Variants in MCPH1 observed in about 807,000 individuals in gnomAD.
MCPH1 encodes the protein microcephalin 1, also known as microcephalin.
MCPH1 carries 104 observed loss-of-function variants against 84.5 expected under a neutral mutation model. The observed-to-expected ratio is 1.23, with a 90% CI of 1.05 to 1.45. The LOEUF (loss-of-function observed/expected upper bound fraction) is 1.45. Among genes scored for constraint, MCPH1 ranks in the 40% most tolerant of loss-of-function variants. The pLI is 0.00. For missense variants in MCPH1, 1,498 were observed against 1,005.7 expected (o/e 1.49, Z -6.62); for synonymous variants, 514 against 366.8 (o/e 1.40, Z -4.58).
In MCPH1 at chr8:6,414,893, T is replaced by G; in HGVS notation, c.233+10T>G. The G allele has an allele frequency of 6.2e-7, 1 of 1,612,774 alleles. No individual in the cohort carries two copies. Among genetic ancestry groups the G allele is most frequent in the African/African-American group, 1.3e-5 (1 of 74,894 alleles). On this transcript the variant is annotated intron_variant, in intron 3 of 13. Coordinates refer to ENST00000344683, the MANE Select transcript of MCPH1 (RefSeq NM_024596.5). ...TGCTCTGGGTGGAAAAGTAAGCAGT[T>G]TCTCTCTTACTTTTTTTCCTTAAGT...
At chr8:6,504,884 T>C (rs1187813717) in intron 12 of MCPH1, among the ~76,000 whole-genome samples, 3 of 152,098 alleles carry the variant, frequency 2.0e-5, no homozygotes, top group Non-Finnish European at 2.9e-5. Context: ...CTGGACATCT[T>C]GGAATGTTTC....
At chr8:6,508,890 T>C in intron 12 of MCPH1, 11 of 1,613,664 alleles carry the variant, frequency 6.8e-6, no homozygotes, top group Non-Finnish European at 9.3e-6. Flanking sequence ...TATGAAATCA[T>C]TCCTTGCCAA....
intron 11 of MCPH1, among the ~76,000 whole-genome samples, chr8:6,481,092 A>C (rs1393617454): frequency 6.6e-6 from 1 of 152,162 alleles, no homozygotes; most frequent in Admixed American, 6.5e-5. Context: ...GAGGACGGGG[A>C]GGGTAGAGAG....
At chr8:6,549,673 A>T (rs942619405) in intron 12 of MCPH1, among the ~76,000 whole-genome samples, 49 of 135,398 alleles carry the variant, frequency 3.6e-4, no homozygotes, top group African/African-American at 1.4e-3. Flanking sequence ...CCTGCAGGGG[A>T]AGAAGCCTTC....
chr8:6,626,474 G>GTTT (rs71213328), intron 13 of MCPH1: 38,559 of 885,312 alleles, frequency 0.044, 272 homozygotes, highest in East Asian at 0.18. Flanking sequence ...TTTTTGTTTT[G>GTTT]TTTTTTTTTT....
chr8:6,621,383 C>A (rs1257467350), intron 12 of MCPH1, 71 bp from the exon 13 acceptor site: 2 of 1,576,478 alleles, frequency 1.3e-6, no homozygotes, highest in Non-Finnish European at 1.7e-6. Context: ...AAGTAAACTG[C>A]AACAGTTCGC....
intron 9 of MCPH1, 31 bp from the exon 10 acceptor site, chr8:6,477,563 T>C: frequency 6.2e-7 from 1 of 1,605,072 alleles, no homozygotes; most frequent in Non-Finnish European, 8.5e-7. Flanking sequence ...TTTTTGACTG[T>C]TTTTTGTTCC....
chr8:6,445,386 C>T lies in MCPH1; in HGVS notation c.1664C>T (p.Ala555Val), dbSNP rs188726432. The change falls in exon 8 of 14, where the codon GCG becomes GTG. Residue 555 changes from alanine (A) to valine (V), a missense_variant. Physicochemically the swap from Ala to Val is moderately conservative, Grantham distance 64. Transcript: ENST00000344683. ...LEGSLEEMKE[A>V]VGLKSTQNKG... The stretch of plus-strand genomic sequence containing the variant: ...GGAAGCCTTGAAGAAATGAAAGAAG[C>T]GGTTGGTCTGAAAAGCACACAGAAC... 2.1e-5 allele frequency: 34 copies of T among 1,614,198 alleles called. No individual in the cohort carries two copies. Among genetic ancestry groups the T allele is most frequent in the African/African-American group, 1.6e-4 (12 of 75,054 alleles).
intron 3 of MCPH1, among the ~76,000 whole-genome samples, chr8:6,422,070 C>A (rs1213023652): frequency 6.6e-6 from 1 of 152,160 alleles, no homozygotes; most frequent in African/African-American, 2.4e-5. Context: ...CTCCTTTTTT[C>A]CTGTGTGTAC....
At chr8:6,627,874 AGAGT>A (rs1796862193) in intron 13 of MCPH1, among the ~76,000 whole-genome samples, 4 of 152,134 alleles carry the variant, frequency 2.6e-5, no homozygotes, top group Admixed American at 2.6e-4. Context: ...CCTGTGCGAC[AGAGT>A]GAGAACCTGT....
At chr8:6,573,575 A>T (rs1826836418) in intron 12 of MCPH1, among the ~76,000 whole-genome samples, 1 of 152,246 alleles carries the variant, frequency 6.6e-6, no homozygotes, top group Non-Finnish European at 1.5e-5. Context: ...GTGAACTATT[A>T]AAGAGCTTTG....
chr8:6,519,766 G>A (rs770576887), intron 12 of MCPH1: 322 of 1,464,144 alleles, frequency 2.2e-4, no homozygotes, highest in Non-Finnish European at 2.7e-4. Flanking sequence ...TGAGGCTGGG[G>A]AAGATCTTTG....
chr8:6,635,047 G>C (rs573897589), intron 13 of MCPH1: 1 of 152,216 alleles, frequency 6.6e-6, no homozygotes, highest in Non-Finnish European at 1.5e-5. Context: ...ACTGTGTTCA[G>C]TGATGATGAT....
At chr8:6,455,945 A>G (rs1356039568) in intron 9 of MCPH1, among the ~76,000 whole-genome samples, 1 of 152,184 alleles carries the variant, frequency 6.6e-6, no homozygotes, top group African/African-American at 2.4e-5. Context: ...AAAGAATGAC[A>G]GAGTAGATGG....
At chr8:6,539,029 TTGTGTG>T (rs34625219) in intron 12 of MCPH1, among the ~76,000 whole-genome samples, 1 of 151,492 alleles carries the variant, frequency 6.6e-6, no homozygotes, top group Middle Eastern at 3.4e-3. Flanking sequence ...AGAGTTGGGC[TTGTGTG>T]TGTGTGTGTG....
intron 12 of MCPH1, among the ~76,000 whole-genome samples, chr8:6,598,799 C>G (rs545859984): frequency 6.6e-6 from 1 of 152,364 alleles, no homozygotes; most frequent in South Asian, 2.1e-4. Flanking sequence ...CCTAACACTT[C>G]AGAGAGCGGA....
intron 12 of MCPH1, among the ~76,000 whole-genome samples, chr8:6,586,104 G>A (rs1827958604): frequency 6.6e-6 from 1 of 152,168 alleles, no homozygotes; most frequent in Non-Finnish European, 1.5e-5. Context: ...AGGACTGCAA[G>A]CATGTGCCAC....
At chr8:6,640,115 T>C (rs1283144931) in intron 13 of MCPH1, among the ~76,000 whole-genome samples, 9 of 151,126 alleles carry the variant, frequency 6.0e-5, no homozygotes, top group Non-Finnish European at 1.0e-4. Context: ...CGTGTGTGTG[T>C]GTGTGCGTGT....
chr8:6,495,203 A>T (rs527563793), intron 11 of MCPH1, among the ~76,000 whole-genome samples: 68 of 152,264 alleles, frequency 4.5e-4, no homozygotes, highest in Non-Finnish European at 7.8e-4. Flanking sequence ...TGACATCCCC[A>T]ATTTTTTCTC....
Sources: allele counts gnomAD v4.1 joint callset (sites outside exome capture counted in the v4.1 genomes callset), GRCh38; gene constraint gnomAD v4.1.1; transcripts MANE v1.5; gene names NCBI Gene and HGNC (gene_info 2026-07-23, HGNC 2026-07-21).